SVEP1: variants seen among roughly 807,000 people sequenced by gnomAD.
SVEP1 encodes the protein sushi, von Willebrand factor type A, EGF and pentraxin domain-containing protein 1.
Under a neutral mutation model 367.3 loss-of-function variants are expected in SVEP1, and 164 were observed. That is an observed-to-expected ratio of 0.45 (90% CI 0.39 to 0.51). SVEP1 has a LOEUF of 0.51. Ranked by LOEUF, SVEP1 falls within the 20% of genes least tolerant of loss-of-function variation. The pLI is 0.00. For synonymous variants in SVEP1, 1,666 were observed against 1,611.6 expected (o/e 1.03, Z -0.81); for missense variants, 4,117 against 4,425.3 (o/e 0.93, Z 1.98).
intron 1 of SVEP1, among the ~76,000 whole-genome samples, chr9:110,555,466 C>T (rs1243105411): frequency 2.0e-5 from 3 of 151,974 alleles, no homozygotes; most frequent in South Asian, 2.1e-4. Flanking sequence ...AAATTATGTG[C>T]GCCTTTATTG....
intron 40 of SVEP1, among the ~76,000 whole-genome samples, chr9:110,394,909 C>T (rs1168260075): frequency 6.6e-6 from 1 of 152,194 alleles, no homozygotes; most frequent in African/African-American, 2.4e-5. Flanking sequence ...GAGAATGGAA[C>T]CAAGTTGGAA....
At chr9:110,374,547 G>A (rs1369504104) in intron 46 of SVEP1, among the ~76,000 whole-genome samples, 2 of 152,160 alleles carry the variant, frequency 1.3e-5, no homozygotes, top group Non-Finnish European at 1.5e-5. Flanking sequence ...CTACTCCAGA[G>A]GCTGAGGCAG....
intron 26 of SVEP1, among the ~76,000 whole-genome samples, chr9:110,445,609 A>G (rs1204584671): frequency 6.6e-6 from 1 of 152,224 alleles, no homozygotes; most frequent in Non-Finnish European, 1.5e-5. Context: ...GAAGTAATAC[A>G]TATGAAAAGA....
At chr9:110,459,896 G>A (rs1471424401) in intron 18 of SVEP1, among the ~76,000 whole-genome samples, 1 of 151,922 alleles carries the variant, frequency 6.6e-6, no homozygotes, top group East Asian at 1.9e-4. Context: ...CTCCTGAATA[G>A]TCTTTTATGG....
intron 47 of SVEP1, among the ~76,000 whole-genome samples, chr9:110,367,616 G>GT (rs1467819058): frequency 6.6e-6 from 1 of 152,022 alleles, no homozygotes; most frequent in African/African-American, 2.4e-5. Flanking sequence ...CTTTTACCCA[G>GT]TTTTTTGCCA....
chr9:110,397,615 C>A (rs1827785442), intron 40 of SVEP1, among the ~76,000 whole-genome samples: 1 of 151,732 alleles, frequency 6.6e-6, no homozygotes, highest in South Asian at 2.1e-4. Flanking sequence ...AGCCCAAAAT[C>A]TCCTTAAGTG....
chr9:110,428,410 A>G (rs2118545092), intron 35 of SVEP1, among the ~76,000 whole-genome samples: 1 of 135,888 alleles, frequency 7.4e-6, no homozygotes, highest in East Asian at 2.3e-4. Context: ...ACACACACAC[A>G]CACACACACA....
At chr9:110,401,936 A>G (rs887124608) in intron 39 of SVEP1, among the ~76,000 whole-genome samples, 2 of 152,114 alleles carry the variant, frequency 1.3e-5, no homozygotes, top group African/African-American at 4.8e-5. Context: ...CCCTCATTCT[A>G]CATATGAACC....
intron 36 of SVEP1, among the ~76,000 whole-genome samples, chr9:110,426,806 G>A (rs1377614473): frequency 6.6e-6 from 1 of 152,142 alleles, no homozygotes; most frequent in African/African-American, 2.4e-5. Context: ...GAGACAATGA[G>A]TCTGAAAGCC....
intron 43 of SVEP1, among the ~76,000 whole-genome samples, chr9:110,380,631 G>A (rs1827420288): frequency 2.0e-5 from 3 of 152,196 alleles, no homozygotes; most frequent in South Asian, 2.1e-4. Context: ...GATGTTCATC[G>A]GGGAAATTGG....
intron 1 of SVEP1, among the ~76,000 whole-genome samples, chr9:110,553,840 C>T (rs767283322): frequency 2.0e-5 from 3 of 152,154 alleles, no homozygotes; most frequent in Admixed American, 6.5e-5. Flanking sequence ...TCCAGTTGCT[C>T]GAGCAAAAAC....
intron 42 of SVEP1, among the ~76,000 whole-genome samples, chr9:110,386,476 C>CCTTACTTTCTTTTATT (rs1827524442): frequency 6.9e-6 from 1 of 144,308 alleles, no homozygotes; most frequent in Non-Finnish European, 1.6e-5. Flanking sequence ...CTCATTGTCA[C>CCTTACTTTCTTTTATT]CTTACTTTCT....
intron 2 of SVEP1, among the ~76,000 whole-genome samples, 171 bp from the exon 3 acceptor site, chr9:110,546,462 G>A (rs1043400268): frequency 4.6e-5 from 7 of 152,180 alleles, no homozygotes; most frequent in Middle Eastern, 3.4e-3. Flanking sequence ...TTGTACTAGC[G>A]CGCTCTGGGA....
At chr9:110,493,990 T>G (rs1039622991) in intron 8 of SVEP1, among the ~76,000 whole-genome samples, 1 of 152,296 alleles carries the variant, frequency 6.6e-6, no homozygotes. Flanking sequence ...TGCACATCTC[T>G]CAAATCCTTC....
intron 36 of SVEP1, among the ~76,000 whole-genome samples, chr9:110,423,168 T>TAAAAAAAAAAAAAAAAAAAAAAAA: frequency 9.6e-5 from 10 of 103,650 alleles, no homozygotes; most frequent in South Asian, 3.0e-4. Flanking sequence ...AAAAATAAAG[T>TAAAAAAAAAAAAAAAAAAAAAAAA]AAAAAAAAAA....
At chr9:110,427,993 T>C (rs892972697) in intron 35 of SVEP1, among the ~76,000 whole-genome samples, 1 of 152,116 alleles carries the variant, frequency 6.6e-6, no homozygotes, top group Non-Finnish European at 1.5e-5. Flanking sequence ...ACTTGGTGCA[T>C]AGTAAAATAT....
At chr9:110,374,187 T>G (rs1472211716) in intron 46 of SVEP1, among the ~76,000 whole-genome samples, 1 of 152,164 alleles carries the variant, frequency 6.6e-6, no homozygotes. Flanking sequence ...CAGTGTCTAT[T>G]GTTCCTACGT....
Position 110,385,878 on chromosome 9 carries a change from G to A in SVEP1, c.10237+20C>T. 6.2e-7 allele frequency: 1 copy of A among 1,608,430 alleles called. No individual in the cohort carries two copies. Among genetic ancestry groups the A allele is most frequent in the Non-Finnish European group, 8.5e-7 (1 of 1,177,320 alleles). On this transcript the variant is annotated intron_variant, in intron 43 of 47. Transcript: ENST00000374469. ...CATTTCGCACTAGCGGCATGAACTG[G>A]CTTCCGCCTGCTGACTTACTTTCAC...
chr9:110,450,530 C>A (rs561718164), intron 23 of SVEP1, among the ~76,000 whole-genome samples: 1 of 132,772 alleles, frequency 7.5e-6, no homozygotes. Context: ...AGTACAGTGG[C>A]GCGATCTCGG....
Sources: gnomAD v4.1 joint callset for allele counts (sites outside exome capture counted in the v4.1 genomes callset) on GRCh38, gnomAD v4.1.1 for gene constraint, MANE v1.5 for transcripts, NCBI Gene and HGNC (gene_info 2026-07-23, HGNC 2026-07-21) for gene names.